Variants in MYCBP2 observed in about 807,000 individuals in gnomAD.
MYCBP2 encodes E3 ubiquitin-protein ligase MYCBP2.
In MYCBP2, 120 loss-of-function variants were observed where a neutral mutation model predicts 525.3. The observed-to-expected ratio is 0.23, with a 90% CI of 0.20 to 0.27. The LOEUF is 0.27. MYCBP2 is among the 10% of genes least tolerant of loss of function. The pLI, the probability that MYCBP2 is intolerant of heterozygous loss-of-function variation, is 1.00. For missense variants in MYCBP2, 4,149 were observed against 5,657.1 expected (o/e 0.73, Z 8.55); for synonymous variants, 1,894 against 1,955.8 (o/e 0.97, Z 0.83).
At chr13:77,169,786 C>CAA in intron 38 of MYCBP2, 72 bp from the exon 39 acceptor site, 1 of 1,268,042 alleles carries the variant, frequency 7.9e-7, no homozygotes, top group Non-Finnish European at 1.1e-6. Flanking sequence ...ACATGCTGTA[C>CAA]TAAATCTATA....
intron 52 of MYCBP2, among the ~76,000 whole-genome samples, chr13:77,131,655 T>C (rs2052876053): frequency 6.6e-6 from 1 of 152,210 alleles, no homozygotes; most frequent in African/African-American, 2.4e-5. Flanking sequence ...ATGTTAGCTT[T>C]CATATAGTAT....
chr13:77,236,017 G>A (rs1333670634), intron 17 of MYCBP2, among the ~76,000 whole-genome samples: 1 of 152,144 alleles, frequency 6.6e-6, no homozygotes, highest in Non-Finnish European at 1.5e-5. Context: ...GTTTTAAACA[G>A]AGAAGTGCTA....
At chr13:77,071,362 C>G (rs1259276154) in intron 68 of MYCBP2, among the ~76,000 whole-genome samples, 1 of 151,260 alleles carries the variant, frequency 6.6e-6, no homozygotes, top group Non-Finnish European at 1.5e-5. Context: ...AATATTTTGC[C>G]TACTTTACAG....
chr13:77,100,674 TTAAGA>T (rs2046933660), intron 55 of MYCBP2, among the ~76,000 whole-genome samples: 1 of 152,012 alleles, frequency 6.6e-6, no homozygotes, highest in Admixed American at 6.6e-5. Flanking sequence ...ATGCCAATAT[TTAAGA>T]TAATTTTTCC....
chr13:77,112,954 T>C (rs1359440389), intron 55 of MYCBP2, among the ~76,000 whole-genome samples: 1 of 152,164 alleles, frequency 6.6e-6, no homozygotes, highest in Non-Finnish European at 1.5e-5. Context: ...CACTTCTCTA[T>C]ACTCATTGTC....
chr13:77,071,237 G>GTA (rs10681121), intron 68 of MYCBP2, among the ~76,000 whole-genome samples: 41,998 of 149,784 alleles, frequency 0.28, 7,249 homozygotes, highest in African/African-American at 0.45. Flanking sequence ...ATATGTGTGT[G>GTA]TATATATATA....
intron 66 of MYCBP2, among the ~76,000 whole-genome samples, chr13:77,078,402 G>A (rs1256071698): frequency 1.3e-5 from 2 of 152,170 alleles, no homozygotes; most frequent in African/African-American, 4.8e-5. Flanking sequence ...GGTTTAAACT[G>A]ACTTGCAACC....
Position 77,326,670 on chromosome 13 carries a change from C to T in MYCBP2, c.106G>A (p.Ala36Thr), listed in dbSNP as rs1430818758. Residue 36 changes from alanine (A) to threonine (T), a missense_variant, in exon 1 of 83, where the codon GCG (alanine) becomes ACG (threonine). Coordinates refer to ENST00000544440, the MANE Select transcript of MYCBP2 (RefSeq NM_015057.5). This position sits in a 1 kb window ranked among gnomAD's most constrained non-coding sequence, Gnocchi z 4.2. ...CCGTCGGGAACCGGCATGAACAGCGCCCCCGGCGCCGGGGAGGAAGAGAAG... is the reference window on the plus strand; with the variant it reads ...CCGTCGGGAACCGGCATGAACAGCGTCCCCGGCGCCGGGGAGGAAGAGAAG... ...ATFSSSPAPG[A>T]LFMPVPDGSV... 6.8e-7 allele frequency: 1 copy of T among 1,471,958 alleles called. No homozygotes were observed. The allele number at this position is 1,471,958 out of a possible 1,614,324, so 91.2% of individuals were successfully genotyped here.
rs558321690 is a variant in MYCBP2 at position 77,125,960 on chromosome 13, C to A, written c.7884+358G>T. 4.6e-5 allele frequency among the ~76,000 whole-genome samples: 7 copies of A among 152,182 alleles called. No individual in the cohort carries two copies. The East Asian group carries it at 7.7e-4, about 17-fold the overall frequency. Reference sequence around the variant, plus strand: ...CTTCAGTGAGACCTATGAATGGGAACAAAGAAATGAAACCTTTTGCATATG... The same window carrying A: ...CTTCAGTGAGACCTATGAATGGGAAAAAAGAAATGAAACCTTTTGCATATG... On this transcript the variant is annotated intron_variant, in intron 53 of 82. Coordinates refer to ENST00000544440, the MANE Select transcript of MYCBP2 (RefSeq NM_015057.5).
At chr13:77,065,850 A>T in intron 72 of MYCBP2, 142 bp downstream of exon 72, 1 of 490,638 alleles carries the variant, frequency 2.0e-6, no homozygotes, top group East Asian at 3.1e-5. Context: ...GAAAAGACAA[A>T]CAGCATGATA....
chr13:77,199,976 G>C (rs145679206), intron 26 of MYCBP2, among the ~76,000 whole-genome samples: 4,899 of 152,310 alleles, frequency 0.032, 214 homozygotes, highest in East Asian at 0.17. Flanking sequence ...ACTCTAAAAA[G>C]CAGAGCAACT....
intron 18 of MYCBP2, among the ~76,000 whole-genome samples, chr13:77,228,087 C>A (rs1394056762): frequency 6.6e-6 from 1 of 151,674 alleles, no homozygotes; most frequent in Non-Finnish European, 1.5e-5. Context: ...TATTTGATAT[C>A]AAAAAATTGA....
intron 52 of MYCBP2, among the ~76,000 whole-genome samples, chr13:77,135,112 T>C (rs767415112): frequency 2.6e-5 from 4 of 152,216 alleles, no homozygotes; most frequent in African/African-American, 4.8e-5. Flanking sequence ...TACAAAATTG[T>C]TTTAACTAGA....
chr13:77,250,575 T>A (rs923209658), intron 15 of MYCBP2, among the ~76,000 whole-genome samples: 17 of 152,222 alleles, frequency 1.1e-4, no homozygotes, highest in African/African-American at 3.9e-4. Context: ...AAACCTGCAT[T>A]CTTATTCTGC....
intron 2 of MYCBP2, among the ~76,000 whole-genome samples, chr13:77,295,723 T>C (rs1300440327): frequency 3.3e-5 from 5 of 152,252 alleles, no homozygotes; most frequent in African/African-American, 4.8e-5. Flanking sequence ...GAGACTGTTA[T>C]ATCAAGTGCT....
At chr13:77,132,936 A>G (rs1385383285) in intron 52 of MYCBP2, among the ~76,000 whole-genome samples, 1 of 152,158 alleles carries the variant, frequency 6.6e-6, no homozygotes, top group Non-Finnish European at 1.5e-5. Flanking sequence ...AAATCAATCA[A>G]TGTTCCCCAG....
At chr13:77,121,574 A>G (rs2050700706) in intron 54 of MYCBP2, 79 bp from the exon 55 acceptor site, 1 of 1,329,704 alleles carries the variant, frequency 7.5e-7, no homozygotes, top group Admixed American at 2.7e-5. Flanking sequence ...GAAAATTGCA[A>G]AAGATTTTAT....
At chr13:77,115,898 TA>T (rs1478784813) in intron 55 of MYCBP2, among the ~76,000 whole-genome samples, 1 of 151,662 alleles carries the variant, frequency 6.6e-6, no homozygotes, top group Non-Finnish European at 1.5e-5. Flanking sequence ...TGAACAAAGC[TA>T]ATACTCTAGA....
chr13:77,157,580 T>C (rs2057364624), intron 45 of MYCBP2, among the ~76,000 whole-genome samples: 1 of 151,970 alleles, frequency 6.6e-6, no homozygotes, highest in South Asian at 2.1e-4. Flanking sequence ...ACTCTGTTTC[T>C]ACAAAAAATA....
Sources: gnomAD v4.1 joint callset for allele counts (sites outside exome capture counted in the v4.1 genomes callset) on GRCh38, gnomAD v4.1.1 for gene constraint, Gnocchi (gnomAD v3.1) non-coding constraint, MANE v1.5 for transcripts, NCBI Gene and HGNC (gene_info 2026-07-23, HGNC 2026-07-21) for gene names.